GLRA1: variants seen among roughly 807,000 people sequenced by gnomAD.
GLRA1 encodes the protein glycine receptor subunit alpha-1.
In GLRA1, 37 loss-of-function variants were observed where a neutral mutation model predicts 48.3. The observed-to-expected ratio is 0.77, with a 90% CI of 0.59 to 1.01. The LOEUF (loss-of-function observed/expected upper bound fraction) is 1.01, where lower values mean the gene tolerates loss of function less well. GLRA1 is among the 50% of genes least tolerant of loss of function. The probability of loss-of-function intolerance (pLI) is 0.00; values close to 1 mark genes in which losing one functional copy is unlikely to be tolerated. For synonymous variants in GLRA1, 196 were observed against 210.7 expected (o/e 0.93, Z 0.60); for missense variants, 427 against 571.0 (o/e 0.75, Z 2.57).
chr5:151,831,411 C>G (rs752966560), intron 7 of GLRA1, among the ~76,000 whole-genome samples: 3 of 152,342 alleles, frequency 2.0e-5, no homozygotes, highest in East Asian at 3.9e-4. Flanking sequence ...TTGAAATTCT[C>G]GCTGCCAGCA....
intron 1 of GLRA1, among the ~76,000 whole-genome samples, chr5:151,908,560 C>A (rs1754531566): frequency 6.6e-6 from 1 of 152,150 alleles, no homozygotes; most frequent in Admixed American, 6.5e-5. Flanking sequence ...AAGAGACTCA[C>A]AGAATGAGTC....
chr5:151,857,719 A>C (rs975521184), intron 4 of GLRA1, among the ~76,000 whole-genome samples: 2 of 152,242 alleles, frequency 1.3e-5, no homozygotes, highest in Non-Finnish European at 2.9e-5. Flanking sequence ...CCACAGACTC[A>C]GAACCAGAGG....
intron 7 of GLRA1, among the ~76,000 whole-genome samples, chr5:151,847,158 C>A (rs1344288700): frequency 1.3e-5 from 2 of 152,174 alleles, no homozygotes. Flanking sequence ...GGAAATGGTG[C>A]AAAACATTGT....
At chr5:151,905,249 A>G (rs959678950) in intron 1 of GLRA1, among the ~76,000 whole-genome samples, 2 of 152,168 alleles carry the variant, frequency 1.3e-5, no homozygotes, top group Non-Finnish European at 2.9e-5. Flanking sequence ...AAACCCACCT[A>G]GAAAACCCAT....
intron 8 of GLRA1, among the ~76,000 whole-genome samples, chr5:151,827,029 G>GTTTTTTTT (rs199505206): frequency 0.014 from 1,823 of 126,578 alleles, 55 homozygotes; most frequent in African/African-American, 0.023. Context: ...CTTTCTTTCT[G>GTTTTTTTT]TTTTTTTTTT....
At chr5:151,834,659 A>G (rs1218149424) in intron 7 of GLRA1, among the ~76,000 whole-genome samples, 1 of 152,062 alleles carries the variant, frequency 6.6e-6, no homozygotes. Flanking sequence ...AACATGAAAA[A>G]CCCTTCAAAA....
At chr5:151,825,107 G>A (rs1355263043) in intron 8 of GLRA1, among the ~76,000 whole-genome samples, 1 of 152,156 alleles carries the variant, frequency 6.6e-6, no homozygotes, top group Non-Finnish European at 1.5e-5. Flanking sequence ...CACCTACAGT[G>A]CCTGGCAAAC....
At chr5:151,901,040 T>C (rs1224715175) in intron 1 of GLRA1, among the ~76,000 whole-genome samples, 1 of 152,180 alleles carries the variant, frequency 6.6e-6, no homozygotes, top group African/African-American at 2.4e-5. Context: ...ACTCTGGCTC[T>C]GATACTCTTA....
chr5:151,913,938 C>A (rs978029281), intron 1 of GLRA1, among the ~76,000 whole-genome samples: 6 of 152,098 alleles, frequency 3.9e-5, no homozygotes, highest in Non-Finnish European at 1.5e-5. Context: ...GTTATTAAAA[C>A]CATTTAGGAG....
intron 7 of GLRA1, chr5:151,850,329 T>C: frequency 6.5e-7 from 1 of 1,545,608 alleles, no homozygotes; most frequent in South Asian, 1.1e-5. Flanking sequence ...AGATCATTTC[T>C]GGGTGGGCTG....
intron 1 of GLRA1, among the ~76,000 whole-genome samples, chr5:151,912,270 T>TG (rs965797219): frequency 7.9e-5 from 12 of 151,310 alleles, no homozygotes; most frequent in African/African-American, 2.7e-4. Context: ...CTGTTTTTTT[T>TG]TTTTTTTTTT....
rs121918415 is a variant in GLRA1 at position 151,855,047 on chromosome 5, G to T, written c.690C>A (p.Tyr230Ter). ...EKDLRYCTKH[Y>*]NTGKFTCIEA... is the part of the protein sequence containing the mutation. ...GGTGGCCCTTGTACCTACCTGTGTT[G>T]TAGTGCTTGGTGCAGTATCTCAAGT... Residue 230 changes from tyrosine to a stop codon, truncating the protein, a stop_gained, in exon 6 of 9, where the codon TAC (tyrosine) becomes TAA (stop). Transcript: ENST00000274576. LOFTEE classifies it high-confidence loss of function. 5 of 1,614,016 alleles carry T rather than the reference G, an allele frequency of 3.1e-6. No individual in the cohort carries two copies. The South Asian group carries it at 3.3e-5, about 11-fold the overall frequency.
At chr5:151,828,862 T>G in intron 8 of GLRA1, 59 bp downstream of exon 8, 1 of 1,528,410 alleles carries the variant, frequency 6.5e-7, no homozygotes, top group South Asian at 1.2e-5. Flanking sequence ...ACAATACTGC[T>G]TAGAACTCTT....
At chr5:151,856,816 C>G (rs753363332) in intron 4 of GLRA1, among the ~76,000 whole-genome samples, 2 of 152,156 alleles carry the variant, frequency 1.3e-5, no homozygotes, top group Non-Finnish European at 2.9e-5. Context: ...GCCACCATGC[C>G]CGGCCGTGAC....
intron 7 of GLRA1, among the ~76,000 whole-genome samples, chr5:151,842,772 A>C (rs1156250188): frequency 6.6e-6 from 1 of 152,138 alleles, no homozygotes; most frequent in African/African-American, 2.4e-5. Context: ...AAAAGAAATA[A>C]ATGACATCTA....
chr5:151,924,416 G>T, intron 1 of GLRA1, 78 bp downstream of exon 1: 1 of 901,430 alleles, frequency 1.1e-6, no homozygotes, highest in South Asian at 1.3e-5. Flanking sequence ...AAAATGATGG[G>T]ACCACGGACA....
intron 1 of GLRA1, among the ~76,000 whole-genome samples, chr5:151,923,604 G>T (rs565691179): frequency 6.6e-6 from 1 of 152,184 alleles, no homozygotes; most frequent in Non-Finnish European, 1.5e-5. Context: ...CTATTTCAAT[G>T]CTTCTTAAAG....
intron 8 of GLRA1, among the ~76,000 whole-genome samples, chr5:151,826,930 C>A (rs1382793273): frequency 6.6e-6 from 1 of 151,856 alleles, no homozygotes; most frequent in Admixed American, 6.6e-5. Context: ...ACAAATGTCT[C>A]TAGCAGATGA....
intron 1 of GLRA1, among the ~76,000 whole-genome samples, chr5:151,909,980 G>C (rs1224363787): frequency 1.3e-5 from 2 of 151,966 alleles, no homozygotes; most frequent in Non-Finnish European, 2.9e-5. Context: ...ATGAGAGTAT[G>C]TACCATCCAT....
Sources: allele counts gnomAD v4.1 joint callset (sites outside exome capture counted in the v4.1 genomes callset), GRCh38; gene constraint gnomAD v4.1.1; transcripts MANE v1.5; gene names NCBI Gene and HGNC (gene_info 2026-07-23, HGNC 2026-07-21).